Variants in SNRNP200 observed in about 807,000 individuals in gnomAD.
SNRNP200 encodes the protein small nuclear ribonucleoprotein U5 subunit 200.
Under a neutral mutation model 255.2 loss-of-function variants are expected in SNRNP200, and 66 were observed. The observed-to-expected ratio is 0.26, with a 90% CI of 0.21 to 0.32. The LOEUF is 0.32. SNRNP200 is among the 10% of genes least tolerant of loss of function. The pLI, the probability that SNRNP200 is intolerant of heterozygous loss-of-function variation, is 1.00. For synonymous variants in SNRNP200, 939 were observed against 1,027.8 expected, an observed-to-expected ratio of 0.91 and a Z score of 1.65; for missense variants, 1,585 against 2,749.8, an observed-to-expected ratio of 0.58 and a Z score of 9.47.
intron 5 of SNRNP200, among the ~76,000 whole-genome samples, chr2:96,300,372 T>C (rs1337465454): frequency 6.6e-6 from 1 of 152,208 alleles, no homozygotes; most frequent in Non-Finnish European, 1.5e-5. Flanking sequence ...AAGGTTAAAA[T>C]GCAGTAAAAC....
At chr2:96,289,554 G>A (rs866457482) in intron 21 of SNRNP200, among the ~76,000 whole-genome samples, 175 bp from the exon 22 acceptor site, 36 of 152,182 alleles carry the variant, frequency 2.4e-4, no homozygotes, top group Middle Eastern at 6.8e-3. Context: ...CAGTACAAGT[G>A]CCAGGCCCAG....
Position 96,289,939 on chromosome 2 carries a change from T to G in SNRNP200, c.2800A>C (p.Thr934Pro), listed in dbSNP as rs149616320. The G allele has an allele frequency of 1.2e-6, 2 of 1,613,986 alleles. No individual in the cohort carries two copies. The highest frequency in any genetic ancestry group is 4.5e-5 in the East Asian group (2 of 44,884). ...TCATCATGAGAGATGCCATAGAGGGTTGGGGATCGCAGCATTCGGATATAG... is the reference window on the plus strand; with the variant it reads ...TCATCATGAGAGATGCCATAGAGGGGTGGGGATCGCAGCATTCGGATATAG... ...YLYIRMLRSP[T>P]LYGISHDDLK... The change falls in exon 21 of 45, where the codon ACC becomes CCC. Residue 934 changes from threonine (T) to proline (P), a missense_variant. Coordinates refer to ENST00000323853, the MANE Select transcript of SNRNP200 (RefSeq NM_014014.5).
rs1684621327 is a variant in SNRNP200 at position 96,274,597 on chromosome 2, C to CTAA, written c.*412_*414dup. The CTAA allele has an allele frequency of 9.2e-6, 3 of 325,948 alleles. No individual in the cohort carries two copies. Among genetic ancestry groups the CTAA allele is most frequent in the Non-Finnish European group, 1.8e-5 (3 of 168,318 alleles). 20.2% of individuals were successfully genotyped at this position (325,948 alleles called of 1,614,324 possible). A position where few individuals can be genotyped will look rare whatever the true frequency, so the allele number is the denominator to read the frequency against. On this transcript the variant is annotated 3_prime_UTR_variant, in exon 45 of 45. Coordinates refer to ENST00000323853, the MANE Select transcript of SNRNP200 (RefSeq NM_014014.5). ...CACGAGGCTACAGGGGACAGCACAC[C>CTAA]TAATGAGCAGGTCTGTCCTCCAGAC...
In SNRNP200 at chr2:96,296,979, C is replaced by T. The variant is rs144219123; in HGVS notation, c.1469G>A (p.Arg490His). ...TLNRIQSKLY[R>H]AALETDENLL... ...ATTCTCATCCGTCTCAAGGGCAGCACGGTAGAGCTTACTCTGGATCCGATT... is the reference window on the plus strand; with the variant it reads ...ATTCTCATCCGTCTCAAGGGCAGCATGGTAGAGCTTACTCTGGATCCGATT... The change falls in exon 12 of 45, where the codon CGT (arginine) becomes CAT (histidine). Residue 490 changes from arginine to histidine, a missense_variant. Arg to His is a conservative substitution (Grantham distance 29, BLOSUM62 0). Coordinates refer to ENST00000323853, the MANE Select transcript of SNRNP200 (RefSeq NM_014014.5). The T allele has an allele frequency of 1.8e-5, 29 of 1,614,086 alleles. No individual in the cohort carries two copies. Among genetic ancestry groups the T allele is most frequent in the South Asian group, 3.3e-5 (3 of 91,088 alleles).
intron 1 of SNRNP200, 112 bp from the exon 2 acceptor site, chr2:96,304,980 T>A: frequency 2.6e-6 from 3 of 1,156,618 alleles, no homozygotes; most frequent in Non-Finnish European, 3.8e-6. Context: ...TTATCATCAC[T>A]AATCGTAATA....
In SNRNP200 at chr2:96,290,279, G is replaced by A. The variant is rs779321107; in HGVS notation, c.2742+47C>T. ...GGGACCGACCCACTCCTGGTGCCTT[G>A]GTGTCTGCGGGGAAAGCATGAAGCA... On this transcript the variant is annotated intron_variant, in intron 20 of 44. Transcript: ENST00000323853. The surrounding 1 kb of genome is among the most constrained non-coding windows in gnomAD (Gnocchi z 4.5). The A allele has an allele frequency of 6.3e-7, 1 of 1,599,108 alleles. No individual in the cohort carries two copies. Among genetic ancestry groups the A allele is most frequent in the Non-Finnish European group, 8.6e-7 (1 of 1,167,858 alleles).
chr2:96,303,772 C>G (rs757903398), intron 2 of SNRNP200, among the ~76,000 whole-genome samples: 8 of 151,998 alleles, frequency 5.3e-5, no homozygotes, highest in Non-Finnish European at 1.2e-4. Flanking sequence ...CGCCTGTAAT[C>G]CCAGCTACTC....
In SNRNP200 at chr2:96,277,313, C is replaced by T. The variant is rs1358089091; in HGVS notation, c.5932-72G>A. 1.9e-6 allele frequency: 3 copies of T among 1,541,662 alleles called. No individual in the cohort carries two copies. The highest frequency in any genetic ancestry group is 2.7e-6 in the Non-Finnish European group (3 of 1,115,216). Reference sequence around the variant, plus strand: ...AGCAAATGACACAGGCAGCAAAGAGCTACTAATTTTACCTCCTACACTATC... The same window carrying T: ...AGCAAATGACACAGGCAGCAAAGAGTTACTAATTTTACCTCCTACACTATC... On this transcript the variant is annotated intron_variant, in intron 41 of 44. Coordinates refer to ENST00000323853, the MANE Select transcript of SNRNP200 (RefSeq NM_014014.5). The surrounding 1 kb of genome is among the most constrained non-coding windows in gnomAD (Gnocchi z 4.4).
Position 96,291,154 on chromosome 2 carries a change from G to C in SNRNP200, c.2421+238C>G, listed in dbSNP as rs1379987569. ...CATGAGACACTGTTTGGAGCTATCTGAAGTCACCAAAGTGCTTGCTTCACT... is the reference window on the plus strand; with the variant it reads ...CATGAGACACTGTTTGGAGCTATCTCAAGTCACCAAAGTGCTTGCTTCACT... On this transcript the variant is annotated intron_variant, in intron 18 of 44. Coordinates refer to ENST00000323853, the MANE Select transcript of SNRNP200 (RefSeq NM_014014.5). This position sits in a 1 kb window ranked among gnomAD's most constrained non-coding sequence, Gnocchi z 4.2. Among the ~76,000 whole-genome samples the C allele has an allele frequency of 6.6e-6, 1 of 152,162 alleles. No homozygotes were observed.
Position 96,277,746 on chromosome 2 carries a change from G to A in SNRNP200, c.5755-31C>T, listed in dbSNP as rs753761160. ...CAGGAAAAGGAGTATAAAAGTGGGC[G>A]GAGTTGGAGCTGAGATGTTTAGAGC... On this transcript the variant is annotated intron_variant, in intron 40 of 44. Transcript: ENST00000323853. The surrounding 1 kb of genome is among the most constrained non-coding windows in gnomAD (Gnocchi z 4.4). The A allele has an allele frequency of 3.6e-5, 58 of 1,614,004 alleles. No individual in the cohort carries two copies. In the East Asian group the frequency reaches 7.4e-4, roughly 20 times the overall value.
Position 96,287,406 on chromosome 2 carries a change from C to A in SNRNP200, c.3484+33G>T. The A allele has an allele frequency of 6.8e-7, 1 of 1,467,130 alleles. No homozygotes were observed. Among genetic ancestry groups the A allele is most frequent in the South Asian group, 1.1e-5 (1 of 88,098 alleles). The allele number at this position is 1,467,130 out of a possible 1,614,324, so 90.9% of individuals were successfully genotyped here. A position where few individuals can be genotyped will look rare whatever the true frequency, so the allele number is the denominator to read the frequency against. On this transcript the variant is annotated intron_variant, in intron 26 of 44. Transcript: ENST00000323853. This position sits in a 1 kb window ranked among gnomAD's most constrained non-coding sequence, Gnocchi z 5.7. ...AGGCAAACTGGGAGAGACACCCAGGCAGTGAGGACAAGGGCGAGAGCATCC... is the reference window on the plus strand; with the variant it reads ...AGGCAAACTGGGAGAGACACCCAGGAAGTGAGGACAAGGGCGAGAGCATCC...
chr2:96,284,810 T>TG (rs1185422182), intron 30 of SNRNP200: 11 of 565,740 alleles, frequency 1.9e-5, no homozygotes, highest in East Asian at 1.2e-4. Context: ...AGTGCAGTGG[T>TG]GCGAACTTGG....
chr2:96,279,183 G>C (rs1171627898), intron 36 of SNRNP200, 185 bp from the exon 37 acceptor site: 1 of 667,636 alleles, frequency 1.5e-6, no homozygotes, highest in Admixed American at 2.2e-5. Context: ...GGTACAGCAA[G>C]TCACGAGGGC....
chr2:96,282,854 T>C, intron 34 of SNRNP200: 1 of 379,754 alleles, frequency 2.6e-6, no homozygotes, highest in East Asian at 6.2e-5. Context: ...ATCAGGTATT[T>C]CTTTATAGCA....
chr2:96,292,955 A>C lies in SNRNP200; in HGVS notation c.2160+17T>G. The C allele has an allele frequency of 1.2e-6, 2 of 1,613,886 alleles. No homozygotes were observed. Among genetic ancestry groups the C allele is most frequent in the Non-Finnish European group, 1.7e-6 (2 of 1,179,934 alleles). Reference sequence around the variant, plus strand: ...GAAAGAATGGGGTTCAAGAGTAACCATAAACCACGGGCAAACCTGATTTTT... The same window carrying C: ...GAAAGAATGGGGTTCAAGAGTAACCCTAAACCACGGGCAAACCTGATTTTT... On this transcript the variant is annotated intron_variant, in intron 16 of 44. Coordinates refer to ENST00000323853, the MANE Select transcript of SNRNP200 (RefSeq NM_014014.5).
chr2:96,290,431 G>A lies in SNRNP200; in HGVS notation c.2637C>T (p.Tyr879=), dbSNP rs553035671. The A allele has an allele frequency of 6.2e-7, 1 of 1,613,986 alleles. No homozygotes were observed. Among genetic ancestry groups the A allele is most frequent in the South Asian group, 1.1e-5 (1 of 91,072 alleles). Residue 879 remains tyrosine (Y), a synonymous_variant, in exon 20 of 45, where the codon TAC becomes TAT. Transcript: ENST00000323853. This position sits in a 1 kb window ranked among gnomAD's most constrained non-coding sequence, Gnocchi z 4.5. ...GAAGTTGTTGATTGAGGAGGGACAG[G>A]TAGTACTGTAGCTCCCCATGAGATG... ...LITSHGELQY[Y]LSLLNQQLPI...
At chr2:96,282,181 G>T in intron 34 of SNRNP200, 1 of 459,006 alleles carries the variant, frequency 2.2e-6, no homozygotes, top group East Asian at 4.3e-5. Context: ...GAACACCAAG[G>T]CAAAACTACA....
Position 96,289,985 on chromosome 2 carries a change from G to A in SNRNP200, c.2754C>T (p.Asn918=), listed in dbSNP as rs773331443. The A allele has an allele frequency of 6.2e-7, 1 of 1,614,198 alleles. No homozygotes were observed. Among genetic ancestry groups the A allele is most frequent in the South Asian group, 1.1e-5 (1 of 91,084 alleles). The stretch of plus-strand genomic sequence containing the variant: ...TATAGAGGTAGGCATAGCCCAGCCA[G>A]TTCACCGCATCCTACAAGACACAGC... ...GNVQNAKDAV[N]WLGYAYLYIR... is the part of the protein sequence containing the mutation. Residue 918 remains asparagine, a synonymous_variant, in exon 21 of 45, where the codon AAC becomes AAT. Transcript: ENST00000323853.
chr2:96,292,082 C>T (rs570804551), intron 16 of SNRNP200, among the ~76,000 whole-genome samples, 182 bp from the exon 17 acceptor site: 196 of 152,334 alleles, frequency 1.3e-3, no homozygotes, highest in Non-Finnish European at 2.2e-3. Context: ...TAAGGGAATG[C>T]ACCCACCAAG....
Sources: gnomAD v4.1 joint callset for allele counts (sites outside exome capture counted in the v4.1 genomes callset) on GRCh38, gnomAD v4.1.1 for gene constraint, Gnocchi (gnomAD v3.1) non-coding constraint, MANE v1.5 for transcripts, NCBI Gene and HGNC (gene_info 2026-07-23, HGNC 2026-07-21) for gene names.